Variants in ADAM18 observed in about 807,000 individuals in gnomAD.
ADAM18 encodes disintegrin and metalloproteinase domain-containing protein 18.
A neutral mutation model predicts 94.4 loss-of-function variants in ADAM18; 117 were observed. The observed-to-expected ratio is 1.24, with a 90% CI of 1.07 to 1.45. The LOEUF (loss-of-function observed/expected upper bound fraction) is 1.45. Among genes scored for constraint, ADAM18 ranks in the 40% most tolerant of loss-of-function variants. The pLI, the probability that ADAM18 is intolerant of heterozygous loss-of-function variation, is 0.00. For synonymous variants in ADAM18, 327 were observed against 291.6 expected, an observed-to-expected ratio of 1.12 and a Z score of -1.24; for missense variants, 936 against 880.0, an observed-to-expected ratio of 1.06 and a Z score of -0.81.
At chr8:39,605,545 G>T (rs569518948) in intron 2 of ADAM18, among the ~76,000 whole-genome samples, 57 of 152,016 alleles carry the variant, frequency 3.7e-4, no homozygotes, top group African/African-American at 1.3e-3. Flanking sequence ...ATTTGTTACT[G>T]GTTCGTTATA....
In ADAM18 at chr8:39,585,303, C is replaced by G; in HGVS notation, c.83C>G (p.Thr28Arg). ...EGSEGIFLHV[T>R]VPRKIKSNDS... ...TCTGAAGGAATATTTCTGCATGTCA[C>G]AGTTCCACGGAAGATTAAGTCAAAT... The change falls in exon 2 of 20, where the codon ACA (threonine) becomes AGA (arginine). Residue 28 changes from threonine to arginine, a missense_variant. Physicochemically the swap from Thr to Arg is moderately conservative, Grantham distance 71. Coordinates refer to ENST00000265707, the MANE Select transcript of ADAM18 (RefSeq NM_014237.3). The G allele has an allele frequency of 6.2e-7, 1 of 1,613,360 alleles. No homozygotes were observed. The highest frequency in any genetic ancestry group is 8.5e-7 in the Non-Finnish European group (1 of 1,179,680).
At chr8:39,636,176 G>T (rs1820071550) in intron 7 of ADAM18, among the ~76,000 whole-genome samples, 2 of 151,708 alleles carry the variant, frequency 1.3e-5, no homozygotes, top group East Asian at 1.9e-4. Flanking sequence ...GCACCACAAT[G>T]CCTGGATAAT....
intron 6 of ADAM18, among the ~76,000 whole-genome samples, chr8:39,627,226 A>G (rs534123162): frequency 3.9e-5 from 6 of 152,300 alleles, no homozygotes; most frequent in African/African-American, 1.4e-4. Context: ...ACAGCTCCAC[A>G]TGGCTGGGGA....
At chr8:39,597,427 ATTAATT>A (rs1414931145) in intron 2 of ADAM18, among the ~76,000 whole-genome samples, 12 of 152,134 alleles carry the variant, frequency 7.9e-5, no homozygotes, top group Non-Finnish European at 1.3e-4. Context: ...TTGGTCTGTT[ATTAATT>A]TTAAGTCAAT....
chr8:39,678,078 G>T (rs1037845750), intron 15 of ADAM18, among the ~76,000 whole-genome samples: 1 of 152,116 alleles, frequency 6.6e-6, no homozygotes. Context: ...ACCCTGTAAT[G>T]AATGCTTCCT....
intron 14 of ADAM18, among the ~76,000 whole-genome samples, chr8:39,669,633 A>G (rs1821097489): frequency 6.6e-6 from 1 of 151,840 alleles, no homozygotes; most frequent in Admixed American, 6.6e-5. Flanking sequence ...GTCCCTACAA[A>G]GGACATGAAC....
At chr8:39,658,960 A>G (rs747263155) in intron 12 of ADAM18, among the ~76,000 whole-genome samples, 10 of 152,194 alleles carry the variant, frequency 6.6e-5, no homozygotes, top group Non-Finnish European at 1.3e-4. Context: ...TTAAAATAAT[A>G]TATTTTTCAA....
intron 12 of ADAM18, among the ~76,000 whole-genome samples, chr8:39,659,090 T>C (rs1235126216): frequency 2.0e-5 from 3 of 152,174 alleles, no homozygotes; most frequent in African/African-American, 7.2e-5. Context: ...TAATATAGAA[T>C]GCCTTCAGGG....
intron 12 of ADAM18, among the ~76,000 whole-genome samples, chr8:39,660,416 A>G (rs1820805010): frequency 6.6e-6 from 1 of 152,208 alleles, no homozygotes; most frequent in South Asian, 2.1e-4. Flanking sequence ...ACTATATTTC[A>G]TGCACATAGT....
intron 10 of ADAM18, among the ~76,000 whole-genome samples, chr8:39,641,386 G>A (rs1820231610): frequency 6.6e-6 from 1 of 151,964 alleles, no homozygotes; most frequent in Admixed American, 6.6e-5. Flanking sequence ...TGCTGTTTTG[G>A]TTACTGTAGC....
At chr8:39,603,357 T>C (rs1481758594) in intron 2 of ADAM18, among the ~76,000 whole-genome samples, 1 of 152,226 alleles carries the variant, frequency 6.6e-6, no homozygotes, top group Non-Finnish European at 1.5e-5. Context: ...TGTCCCTCAC[T>C]ACAGGCATAC....
At chr8:39,695,988 C>T (rs1161076799) in intron 17 of ADAM18, among the ~76,000 whole-genome samples, 1 of 151,350 alleles carries the variant, frequency 6.6e-6, no homozygotes, top group African/African-American at 2.4e-5. Flanking sequence ...TCAGAATCAC[C>T]ATATTATTTG....
chr8:39,694,632 G>T (rs979973435), intron 17 of ADAM18, among the ~76,000 whole-genome samples: 7 of 151,326 alleles, frequency 4.6e-5, no homozygotes, highest in African/African-American at 1.5e-4. Context: ...AGCAACGTTT[G>T]GTTTACATAA....
intron 12 of ADAM18, among the ~76,000 whole-genome samples, chr8:39,660,780 A>G (rs995652400): frequency 3.3e-5 from 5 of 152,226 alleles, no homozygotes. Context: ...TAAAATAAGC[A>G]TTAAAAAGTA....
At position 39,629,401 on chromosome 8, in the gene ADAM18, C is replaced by CA; in HGVS notation, c.552dup (p.Tyr185IlefsTer14). 1 of 1,584,592 alleles carries CA rather than the reference C, an allele frequency of 6.3e-7. No homozygotes were observed. The highest frequency in any genetic ancestry group is 1.4e-5 in the African/African-American group (1 of 73,212). ...AAAAAATCTTTCAAAACTATTACCC[C>CA]AATATCTGGAAATATACATTATAGT... On this transcript the variant is annotated frameshift_variant, in exon 7 of 20. Transcript: ENST00000265707. LOFTEE classifies it high-confidence loss of function.
intron 3 of ADAM18, 79 bp from the exon 4 acceptor site, chr8:39,608,963 T>TA: frequency 1.2e-6 from 1 of 822,568 alleles, no homozygotes; most frequent in South Asian, 1.7e-5. Flanking sequence ...TCGTGTTATA[T>TA]AAAATGTATG....
intron 1 of ADAM18, among the ~76,000 whole-genome samples, 200 bp from the exon 2 acceptor site, chr8:39,585,075 CT>C (rs1294320865): frequency 1.8e-4 from 27 of 151,386 alleles, no homozygotes; most frequent in Non-Finnish European, 1.5e-5. Flanking sequence ...ATTTTTTTTT[CT>C]TTTTTTGTGT....
At chr8:39,655,345 A>C (rs2129579814) in intron 12 of ADAM18, among the ~76,000 whole-genome samples, 1 of 152,298 alleles carries the variant, frequency 6.6e-6, no homozygotes, top group East Asian at 1.9e-4. Flanking sequence ...CAAAATCTTC[A>C]CTAAATGATT....
At chr8:39,662,255 A>G (rs1224134870) in intron 12 of ADAM18, among the ~76,000 whole-genome samples, 1 of 152,104 alleles carries the variant, frequency 6.6e-6, no homozygotes, top group Non-Finnish European at 1.5e-5. Flanking sequence ...ATATACACAC[A>G]CATACATTTA....
Sources: gnomAD v4.1 joint callset for allele counts (sites outside exome capture counted in the v4.1 genomes callset) on GRCh38, gnomAD v4.1.1 for gene constraint, MANE v1.5 for transcripts, NCBI Gene and HGNC (gene_info 2026-07-23, HGNC 2026-07-21) for gene names.